The following DNAJC17 variants were observed in gnomAD, a reference collection of about 807,000 sequenced individuals.
DNAJC17 encodes the protein dnaJ homolog subfamily C member 17.
DNAJC17 carries 35 observed loss-of-function variants against 48.1 expected under a neutral mutation model. That is an observed-to-expected ratio of 0.73 (90% CI 0.56 to 0.96). The LOEUF is 0.96. Ranked by LOEUF, DNAJC17 falls within the 50% of genes least tolerant of loss-of-function variation. DNAJC17 has a pLI of 0.00. For synonymous variants in DNAJC17, 117 were observed against 142.7 expected, an observed-to-expected ratio of 0.82 and a Z score of 1.28; for missense variants, 355 against 377.1, an observed-to-expected ratio of 0.94 and a Z score of 0.48.
chr15:40,792,974 A>G (rs1889846720), intron 1 of DNAJC17, among the ~76,000 whole-genome samples: 1 of 149,672 alleles, frequency 6.7e-6, no homozygotes, highest in Non-Finnish European at 1.5e-5. Context: ...GCTCACTGCA[A>G]GCTCTGCCTC....
Position 40,765,915 on chromosome 15 carries a change from A to G in DNAJC17, c.*2025T>C, listed in dbSNP as rs1376484019. The G allele has an allele frequency of 1.3e-6, 2 of 1,550,898 alleles. No individual in the cohort carries two copies. Among genetic ancestry groups the G allele is most frequent in the Non-Finnish European group, 1.8e-6 (2 of 1,133,436 alleles). On this transcript the variant is annotated 3_prime_UTR_variant, in exon 11 of 11. Coordinates refer to ENST00000220496, the MANE Select transcript of DNAJC17 (RefSeq NM_018163.3). ...GCTTCAAAGAGAAGAGCCTTGGGAA[A>G]CAACTTGTAAGTAGCAGCCTCCCTC...
intron 1 of DNAJC17, among the ~76,000 whole-genome samples, chr15:40,795,596 T>A (rs992508626): frequency 1.3e-5 from 2 of 151,954 alleles, no homozygotes; most frequent in Admixed American, 6.6e-5. Context: ...CAAGTTTAAT[T>A]TAATAAAGGT....
chr15:40,771,051 TGACTG>T (rs1412569960), intron 10 of DNAJC17: 2 of 1,542,486 alleles, frequency 1.3e-6, no homozygotes, highest in South Asian at 1.2e-5. Flanking sequence ...AAAGCCGGGG[TGACTG>T]GAAGATCCAG....
intron 1 of DNAJC17, among the ~76,000 whole-genome samples, chr15:40,794,315 A>T (rs1327764549): frequency 6.6e-6 from 1 of 151,712 alleles, no homozygotes; most frequent in Non-Finnish European, 1.5e-5. Flanking sequence ...GTGCCACTGC[A>T]CTCCAGCCTG....
intron 1 of DNAJC17, among the ~76,000 whole-genome samples, chr15:40,787,239 G>A (rs1889665103): frequency 6.6e-6 from 1 of 152,210 alleles, no homozygotes; most frequent in Non-Finnish European, 1.5e-5. Context: ...TAAAGTGGAT[G>A]TACTTAGGAG....
chr15:40,778,939 A>AC, intron 4 of DNAJC17: 1 of 405,862 alleles, frequency 2.5e-6, no homozygotes, highest in Non-Finnish European at 4.7e-6. Flanking sequence ...GTCTCAAAAA[A>AC]CCATGTTCTT....
intron 4 of DNAJC17, among the ~76,000 whole-genome samples, chr15:40,778,542 C>T (rs972719938): frequency 1.3e-5 from 2 of 150,770 alleles, no homozygotes; most frequent in African/African-American, 2.5e-5. Flanking sequence ...TGAGCCACCG[C>T]GCCCGGCCAC....
intron 1 of DNAJC17, among the ~76,000 whole-genome samples, chr15:40,791,712 G>A (rs1277537313): frequency 1.3e-5 from 2 of 152,000 alleles, no homozygotes; most frequent in South Asian, 2.1e-4. Context: ...GGGTGTGGTG[G>A]CACGCGCCTG....
In DNAJC17 at chr15:40,765,911, G is replaced by T. The variant is rs1303986764; in HGVS notation, c.*2029C>A. 1.3e-6 allele frequency: 2 copies of T among 1,558,844 alleles called. No individual in the cohort carries two copies. Among genetic ancestry groups the T allele is most frequent in the Non-Finnish European group, 1.8e-6 (2 of 1,140,238 alleles). On this transcript the variant is annotated 3_prime_UTR_variant, in exon 11 of 11. Transcript: ENST00000220496. Reference sequence around the variant, plus strand: ...GGGGGCTTCAAAGAGAAGAGCCTTGGGAAACAACTTGTAAGTAGCAGCCTC... The same window carrying T: ...GGGGGCTTCAAAGAGAAGAGCCTTGTGAAACAACTTGTAAGTAGCAGCCTC...
intron 10 of DNAJC17, among the ~76,000 whole-genome samples, chr15:40,772,959 C>CCT (rs1889197296): frequency 7.5e-6 from 1 of 133,626 alleles, no homozygotes. Flanking sequence ...AGAGTTCCTT[C>CCT]TTTTTTTTTT....
intron 1 of DNAJC17, among the ~76,000 whole-genome samples, chr15:40,781,102 G>C (rs1889473404): frequency 7.3e-6 from 1 of 136,544 alleles, no homozygotes; most frequent in Admixed American, 8.1e-5. Context: ...AGTGAGCCAA[G>C]ATTGTGCCAC....
Position 40,767,495 on chromosome 15 carries a change from G to A in DNAJC17, c.*445C>T. 1.1e-6 allele frequency: 1 copy of A among 919,534 alleles called. No individual in the cohort carries two copies. Among genetic ancestry groups the A allele is most frequent in the Non-Finnish European group, 1.6e-6 (1 of 640,840 alleles). The allele number at this position is 919,534 out of a possible 1,614,324, so 57.0% of individuals were successfully genotyped here. On this transcript the variant is annotated 3_prime_UTR_variant, in exon 11 of 11. Transcript: ENST00000220496. ...GGCCCAGCCCCAAAGGGCAGTGAATGGCCTTCTCTGAAACCCTGCGTCAAG... is the reference window on the plus strand; with the variant it reads ...GGCCCAGCCCCAAAGGGCAGTGAATAGCCTTCTCTGAAACCCTGCGTCAAG...
intron 1 of DNAJC17, among the ~76,000 whole-genome samples, chr15:40,802,326 C>T (rs909753084): frequency 8.5e-5 from 13 of 152,060 alleles, no homozygotes; most frequent in East Asian, 1.9e-4. Context: ...CGTGCCACCG[C>T]GTCTGGCTAG....
At chr15:40,807,099 G>A in intron 1 of DNAJC17, 1 of 735,566 alleles carries the variant, frequency 1.4e-6, no homozygotes, top group Non-Finnish European at 2.2e-6. Flanking sequence ...GTTCCTTGCT[G>A]CCTCGCCCCG....
intron 1 of DNAJC17, among the ~76,000 whole-genome samples, chr15:40,805,919 A>G (rs983238355): frequency 9.2e-5 from 14 of 152,164 alleles, no homozygotes; most frequent in African/African-American, 3.4e-4. Context: ...TCCAGAAAAA[A>G]AAAATACTGT....
intron 1 of DNAJC17, among the ~76,000 whole-genome samples, chr15:40,789,374 C>G (rs1340125844): frequency 6.6e-6 from 1 of 151,392 alleles, no homozygotes; most frequent in Non-Finnish European, 1.5e-5. Flanking sequence ...TCCCTCCTAT[C>G]CTGCTCTCCT....
rs1212537598 is a variant in DNAJC17, at chr15:40,767,719, T to G, written c.*221A>C. 8 of 663,474 alleles carry G rather than the reference T, an allele frequency of 1.2e-5. No individual in the cohort carries two copies. The highest frequency in any genetic ancestry group is 6.5e-5 in the Admixed American group (2 of 30,858). The allele number at this position is 663,474 out of a possible 1,614,324, so 41.1% of individuals were successfully genotyped here. A position where few individuals can be genotyped will look rare whatever the true frequency, so the allele number is the denominator to read the frequency against. On this transcript the variant is annotated 3_prime_UTR_variant, in exon 11 of 11. Coordinates refer to ENST00000220496, the MANE Select transcript of DNAJC17 (RefSeq NM_018163.3). The stretch of plus-strand genomic sequence containing the variant: ...GGGCTGTGATGAGTGGCTGCGCCTG[T>G]GCTCTGCTTGTGCACGGACTCTGGG...
At chr15:40,792,230 G>T (rs1002641199) in intron 1 of DNAJC17, among the ~76,000 whole-genome samples, 3 of 151,888 alleles carry the variant, frequency 2.0e-5, no homozygotes, top group Admixed American at 2.0e-4. Context: ...CACCTTCTAG[G>T]GTATAAAAGA....
intron 4 of DNAJC17, 147 bp downstream of exon 4, chr15:40,779,076 G>GAACCAA: frequency 1.3e-6 from 1 of 765,404 alleles, no homozygotes; most frequent in South Asian, 1.4e-5. Context: ...GTGTCTTTAG[G>GAACCAA]AACCAACCTC....
Sources: gnomAD v4.1 joint callset for allele counts (sites outside exome capture counted in the v4.1 genomes callset) on GRCh38, gnomAD v4.1.1 for gene constraint, MANE v1.5 for transcripts, NCBI Gene and HGNC (gene_info 2026-07-23, HGNC 2026-07-21) for gene names.